MOG: variants seen among roughly 807,000 people sequenced by gnomAD.
MOG encodes myelin oligodendrocyte glycoprotein.
A neutral mutation model predicts 35.9 loss-of-function variants in MOG; 20 were observed. The ratio of observed to expected loss-of-function variants is 0.56; its 90% CI spans 0.39 to 0.81. The LOEUF (loss-of-function observed/expected upper bound fraction) is 0.81, where lower values mean the gene tolerates loss of function less well. Among genes scored for constraint, MOG ranks in the 30% least tolerant of loss-of-function variants. The probability of loss-of-function intolerance (pLI) is 0.00; values close to 1 mark genes in which losing one functional copy is unlikely to be tolerated. For synonymous variants in MOG, 92 were observed against 114.3 expected, an observed-to-expected ratio of 0.80 and a Z score of 1.25; for missense variants, 251 against 301.0, an observed-to-expected ratio of 0.83 and a Z score of 1.23.
At chr6:29,669,143 A>T (rs949706075) in intron 5 of MOG, among the ~76,000 whole-genome samples, 4 of 151,720 alleles carry the variant, frequency 2.6e-5, no homozygotes, top group East Asian at 1.9e-4. Flanking sequence ...CTGGCCTCGA[A>T]CTCCTGACCT....
chr6:29,659,358 C>T lies in MOG; in HGVS notation c.128C>T (p.Ala43Val). The change falls in exon 2 of 8, where the codon GCT becomes GTT. Residue 43 changes from alanine to valine, a missense_variant. Physicochemically the swap from Ala to Val is moderately conservative, Grantham distance 64. Coordinates refer to ENST00000376917, the MANE Select transcript of MOG (RefSeq NM_206809.4). ...RVIGPRHPIR[A>V]LVGDEVELPC... Reference sequence around the variant, plus strand: ...ATAGGACCAAGACACCCTATCCGGGCTCTGGTCGGGGATGAAGTGGAATTG... The same window carrying T: ...ATAGGACCAAGACACCCTATCCGGGTTCTGGTCGGGGATGAAGTGGAATTG... 6.2e-7 allele frequency: 1 copy of T among 1,612,978 alleles called. No individual in the cohort carries two copies. Among genetic ancestry groups the T allele is most frequent in the Non-Finnish European group, 8.5e-7 (1 of 1,180,000 alleles).
chr6:29,667,742 G>T, intron 4 of MOG, 79 bp downstream of exon 4: 2 of 1,567,902 alleles, frequency 1.3e-6, no homozygotes, highest in Non-Finnish European at 1.8e-6. Context: ...TTCTTGGACC[G>T]TCTCTCCCTC....
chr6:29,662,387 G>A lies in MOG; in HGVS notation c.436+2721G>A, dbSNP rs1769013638. 6.6e-6 allele frequency among the ~76,000 whole-genome samples: 1 copy of A among 152,098 alleles called. No homozygotes were observed. Among genetic ancestry groups the A allele is most frequent in the African/African-American group, 2.4e-5 (1 of 41,408 alleles). ...TAATCCCAGCTACTTGAGAGACTGA[G>A]GCAGGAGAATCGCTTGAACCGGGAG... On this transcript the variant is annotated intron_variant, in intron 2 of 7. Transcript: ENST00000376917. The surrounding 1 kb of genome is among the most constrained non-coding windows in gnomAD (Gnocchi z 4.2).
At chr6:29,665,963 C>T (rs1344995159) in intron 2 of MOG, among the ~76,000 whole-genome samples, 189 bp from the exon 3 acceptor site, 1 of 151,004 alleles carries the variant, frequency 6.6e-6, no homozygotes, top group African/African-American at 2.5e-5. Flanking sequence ...TTCTAAATCA[C>T]TAGCATTTCC....
chr6:29,660,053 C>T (rs1029774151), intron 2 of MOG: 4 of 297,704 alleles, frequency 1.3e-5, no homozygotes, highest in African/African-American at 8.7e-5. Context: ...AACCCTAGGG[C>T]ATGGTGGTTT....
intron 7 of MOG, 85 bp from the exon 8 acceptor site, chr6:29,671,087 A>T (rs1771374843): frequency 1.9e-6 from 3 of 1,612,790 alleles, no homozygotes; most frequent in African/African-American, 2.7e-5. Context: ...AGATGACCCC[A>T]AGGGCTTTTC....
intron 5 of MOG, among the ~76,000 whole-genome samples, chr6:29,668,364 G>A (rs1269896001): frequency 6.6e-6 from 1 of 152,096 alleles, no homozygotes; most frequent in Non-Finnish European, 1.5e-5. Flanking sequence ...AATCAGAGAA[G>A]ACCTCATAGA....
At position 29,666,091 on chromosome 6, in the gene MOG, A is replaced by C. The variant is rs917239127; in HGVS notation, c.437-61A>C. Reference sequence around the variant, plus strand: ...TGACCTGATTTATTGGGCCCCAGACACCATGCTGAGTGTTGGGGATTCAGC... The same window carrying C: ...TGACCTGATTTATTGGGCCCCAGACCCCATGCTGAGTGTTGGGGATTCAGC... On this transcript the variant is annotated intron_variant, in intron 2 of 7. Transcript: ENST00000376917. 6 of 1,027,538 alleles carry C rather than the reference A, an allele frequency of 5.8e-6. No individual in the cohort carries two copies. In the African/African-American group the frequency reaches 7.8e-5, roughly 13 times the overall value. 63.7% of individuals were successfully genotyped at this position (1,027,538 alleles called of 1,614,324 possible). A position where few individuals can be genotyped will look rare whatever the true frequency, so the allele number is the denominator to read the frequency against.
Position 29,670,362 on chromosome 6 carries a change from T to A in MOG, c.674T>A (p.Ile225Asn). The change falls in exon 6 of 8, where the codon ATC becomes AAC. Residue 225 changes from isoleucine to asparagine, a missense_variant. By Grantham distance (149) the Ile-to-Asn change is moderately radical. Coordinates refer to ENST00000376917, the MANE Select transcript of MOG (RefSeq NM_206809.4). This position sits in a 1 kb window ranked among gnomAD's most constrained non-coding sequence, Gnocchi z 4.2. ...GTTCTTGGACCCTTGGTTGCCTTGA[T>A]CATCTGCTACAACTGGCTACATCGA... ...VPVLGPLVALIICYNWLHRRL... is the reference protein window; with the variant it reads ...VPVLGPLVALNICYNWLHRRL... 6.2e-7 allele frequency: 1 copy of A among 1,614,164 alleles called. No individual in the cohort carries two copies. The highest frequency in any genetic ancestry group is 8.5e-7 in the Non-Finnish European group (1 of 1,180,028).
intron 2 of MOG, among the ~76,000 whole-genome samples, chr6:29,660,566 A>T (rs34580793): frequency 7.1e-6 from 1 of 140,820 alleles, no homozygotes; most frequent in Non-Finnish European, 1.5e-5. Context: ...GTGAGCGCAC[A>T]CACACACACA....
At chr6:29,661,114 G>A (rs1184590800) in intron 2 of MOG, among the ~76,000 whole-genome samples, 2 of 152,172 alleles carry the variant, frequency 1.3e-5, no homozygotes, top group Admixed American at 1.3e-4. Context: ...GCCGATGGAG[G>A]GGGAGCTTTG....
At chr6:29,664,687 C>A (rs942213727) in intron 2 of MOG, 6 of 449,626 alleles carry the variant, frequency 1.3e-5, no homozygotes, top group African/African-American at 1.2e-4. Context: ...TCATTGCAGC[C>A]TCCACCTCCC....
chr6:29,663,144 G>T (rs930400176), intron 2 of MOG, among the ~76,000 whole-genome samples: 3 of 151,638 alleles, frequency 2.0e-5, no homozygotes, highest in African/African-American at 4.8e-5. Context: ...GTGGTGGCAG[G>T]CGCCTGTAGT....
chr6:29,658,444 G>C (rs1177458469), intron 1 of MOG, among the ~76,000 whole-genome samples: 4 of 152,236 alleles, frequency 2.6e-5, no homozygotes, highest in African/African-American at 9.6e-5. Context: ...GGGGAAGGAA[G>C]AGGGAAATAG....
chr6:29,661,577 T>C (rs1173555818), intron 2 of MOG: 9 of 979,412 alleles, frequency 9.2e-6, no homozygotes, highest in African/African-American at 1.8e-5. Context: ...TCCCAAAACT[T>C]TGGGAGGCCG....
chr6:29,659,929 T>TTA (rs1457939842), intron 2 of MOG: 3 of 577,796 alleles, frequency 5.2e-6, no homozygotes, highest in Non-Finnish European at 9.2e-6. Flanking sequence ...CTGTGAATAT[T>TTA]ATGCAGGCAT....
chr6:29,659,153 GGAA>G (rs10548565), intron 1 of MOG, among the ~76,000 whole-genome samples, 163 bp from the exon 2 acceptor site: 172 of 151,952 alleles, frequency 1.1e-3, no homozygotes, highest in African/African-American at 3.8e-3. Context: ...TAAATAAAAA[GGAA>G]GAAGAAGAAG....
intron 2 of MOG, chr6:29,661,618 C>T (rs1319297635): frequency 1.1e-5 from 10 of 894,162 alleles, no homozygotes; most frequent in Middle Eastern, 5.7e-4. Context: ...GTCGGGAGTT[C>T]GAGACTAGCC....
intron 2 of MOG, chr6:29,661,584 G>T: frequency 1.2e-5 from 12 of 969,728 alleles, no homozygotes; most frequent in Non-Finnish European, 1.5e-5. Context: ...ACTTTGGGAG[G>T]CCGAGGCGGG....
Sources: gnomAD v4.1 joint callset for allele counts (sites outside exome capture counted in the v4.1 genomes callset) on GRCh38, gnomAD v4.1.1 for gene constraint, Gnocchi (gnomAD v3.1) non-coding constraint, MANE v1.5 for transcripts, NCBI Gene and HGNC (gene_info 2026-07-23, HGNC 2026-07-21) for gene names.